The following EPC1 variants were observed in gnomAD, a reference collection of about 807,000 sequenced individuals.
EPC1 encodes the protein enhancer of polycomb 1.
EPC1 carries 12 observed loss-of-function variants against 98.4 expected under a neutral mutation model. The ratio of observed to expected loss-of-function variants is 0.12; its 90% confidence interval spans 0.08 to 0.20. The LOEUF is 0.20. EPC1 is among the 10% of genes least tolerant of loss of function. The pLI, the probability that EPC1 is intolerant of heterozygous loss-of-function variation, is 1.00. For synonymous variants in EPC1, 357 were observed against 363.9 expected (o/e 0.98, Z 0.21); for missense variants, 729 against 990.5 (o/e 0.74, Z 3.54).
intron 11 of EPC1, among the ~76,000 whole-genome samples, chr10:32,272,596 A>G (rs556980135): frequency 6.6e-6 from 1 of 152,328 alleles, no homozygotes; most frequent in African/African-American, 2.4e-5. Flanking sequence ...ACACAATGAA[A>G]GGCACCTTTG....
At chr10:32,315,533 A>G (rs976518335) in intron 1 of EPC1, among the ~76,000 whole-genome samples, 3 of 152,226 alleles carry the variant, frequency 2.0e-5, no homozygotes, top group East Asian at 3.8e-4. Flanking sequence ...ACAAAATTCC[A>G]TATGTGTAAA....
chr10:32,323,999 G>C (rs1444425511), intron 1 of EPC1, among the ~76,000 whole-genome samples: 2 of 152,008 alleles, frequency 1.3e-5, no homozygotes, highest in Admixed American at 6.5e-5. Flanking sequence ...GCAGTGGCGC[G>C]ATCTCGGCTC....
At position 32,338,407 on chromosome 10, in the gene EPC1, T is replaced by C. The variant is rs116502478; in HGVS notation, c.153+8356A>G. On this transcript the variant is annotated intron_variant, in intron 1 of 13. Transcript: ENST00000319778. Reference sequence around the variant, plus strand: ...TGCCCAGTATGACTCATTCTCCACATGGTAGCCAGAATAATCTTGAAAAAC... The same window carrying C: ...TGCCCAGTATGACTCATTCTCCACACGGTAGCCAGAATAATCTTGAAAAAC... 5.5e-3 allele frequency among the ~76,000 whole-genome samples: 840 copies of C among 152,342 alleles called. 13 individuals are homozygous for C. Among genetic ancestry groups the C allele is most frequent in the African/African-American group, 0.019 (808 of 41,580 alleles).
chr10:32,300,853 A>G (rs1273722745), intron 2 of EPC1, among the ~76,000 whole-genome samples: 1 of 152,072 alleles, frequency 6.6e-6, no homozygotes, highest in African/African-American at 2.4e-5. Flanking sequence ...TTTTTTTGGA[A>G]GCTTAATATC....
At chr10:32,343,772 T>G (rs888330249) in intron 1 of EPC1, among the ~76,000 whole-genome samples, 1 of 151,916 alleles carries the variant, frequency 6.6e-6, no homozygotes, top group Non-Finnish European at 1.5e-5. Context: ...GTGCAGCTCA[T>G]AGTATTAAAA....
intron 9 of EPC1, 21 bp downstream of exon 9, chr10:32,286,673 A>G (rs775682134): frequency 1.2e-6 from 2 of 1,612,618 alleles, no homozygotes; most frequent in Non-Finnish European, 1.7e-6. Context: ...TCCTTCTGCT[A>G]GGAATACAGA....
chr10:32,319,289 A>C (rs1182241011), intron 1 of EPC1, among the ~76,000 whole-genome samples: 1 of 152,236 alleles, frequency 6.6e-6, no homozygotes, highest in East Asian at 1.9e-4. Context: ...AATTCTTGAT[A>C]GAGATTCCAT....
intron 1 of EPC1, among the ~76,000 whole-genome samples, chr10:32,342,534 G>A (rs1838430098): frequency 1.3e-5 from 2 of 152,210 alleles, no homozygotes; most frequent in South Asian, 2.1e-4. Context: ...AAAGGTGGGA[G>A]TATAAAGACC....
chr10:32,377,809 A>G (rs1334008193), intron 1 of EPC1, among the ~76,000 whole-genome samples: 1 of 152,202 alleles, frequency 6.6e-6, no homozygotes, highest in Non-Finnish European at 1.5e-5. Flanking sequence ...GTGTGCAAAA[A>G]GAAAAAAAAT....
In EPC1 at chr10:32,370,703, TA is replaced by T. The variant is rs1403601963; in HGVS notation, c.3+7787del. Among the ~76,000 whole-genome samples, 6 of 152,314 alleles carry T rather than the reference TA, an allele frequency of 3.9e-5. No individual in the cohort carries two copies. In the South Asian group the frequency reaches 6.2e-4, roughly 16 times the overall value. On this transcript the variant is annotated intron_variant, in intron 1 of 13. Transcript: ENST00000375110. ...CATAAATCTGTGCTGTCCGATATGG[TA>T]GCTACTAGCTGGGTGTAGCTATGGA... is the stretch of plus-strand genomic sequence containing the variant.
chr10:32,356,330 T>A (rs1227893897), intron 1 of EPC1, among the ~76,000 whole-genome samples: 1 of 152,112 alleles, frequency 6.6e-6, no homozygotes, highest in Non-Finnish European at 1.5e-5. Context: ...GCACTGTGAA[T>A]CTAGTTCCCC....
rs192290488 is a variant in EPC1, at chr10:32,376,760, C to T, written c.3+1731G>A. The stretch of plus-strand genomic sequence containing the variant: ...TTACGTATTTCAAAGTGGGTAAACA[C>T]GCTAAATAATAATTCTTGAAATGTT... On this transcript the variant is annotated intron_variant, in intron 1 of 13. Coordinates refer to the EPC1 transcript ENST00000375110. 3.9e-5 allele frequency among the ~76,000 whole-genome samples: 6 copies of T among 152,132 alleles called. No homozygotes were observed. In the East Asian group the frequency reaches 5.8e-4, roughly 15 times the overall value.
At chr10:32,301,215 A>G (rs1160832169) in intron 2 of EPC1, among the ~76,000 whole-genome samples, 1 of 152,186 alleles carries the variant, frequency 6.6e-6, no homozygotes, top group Admixed American at 6.6e-5. Flanking sequence ...GCCAGGTATA[A>G]ATCTAATAAA....
rs778070142 is a variant in EPC1 at position 32,284,832 on chromosome 10, T to C, written c.1610A>G (p.His537Arg). Residue 537 changes from histidine (H) to arginine (R), a missense_variant, in exon 10 of 14, where the codon CAT (histidine) becomes CGT (arginine). By Grantham distance (29) the His-to-Arg change is conservative. This residue lies in a region of EPC1 where 390 missense variants were observed against 438.6 expected (regional missense o/e 0.89). Coordinates refer to ENST00000319778, the MANE Select transcript of EPC1 (RefSeq NM_001272004.3). ...GGAGAGTTCATCATTGTCACTGTCA[T>C]GTAGGGATGGTGTCCGAGGCCTAAA... ...RHFRPRTPSL[H>R]DSDNDELSCR... is the part of the protein sequence containing the mutation. 6.2e-6 allele frequency: 10 copies of C among 1,614,242 alleles called. No individual in the cohort carries two copies. The Admixed American group carries it at 1.0e-4, about 16-fold the overall frequency.
chr10:32,367,922 T>G (rs892962459), intron 1 of EPC1, among the ~76,000 whole-genome samples: 1 of 152,242 alleles, frequency 6.6e-6, no homozygotes, highest in Non-Finnish European at 1.5e-5. Context: ...GCCTTATAAA[T>G]GTAAACTCAT....
intron 1 of EPC1, among the ~76,000 whole-genome samples, chr10:32,326,692 G>A (rs948891331): frequency 2.6e-5 from 4 of 152,134 alleles, no homozygotes; most frequent in African/African-American, 9.7e-5. Flanking sequence ...TTTGGTAAAA[G>A]TCAGTTATAA....
intron 1 of EPC1, among the ~76,000 whole-genome samples, chr10:32,328,912 A>G (rs1837469106): frequency 1.3e-5 from 2 of 152,240 alleles, no homozygotes; most frequent in Non-Finnish European, 2.9e-5. Context: ...AAGGAAACAC[A>G]TACAGGTCTG....
chr10:32,341,393 G>C (rs1207129844), intron 1 of EPC1, among the ~76,000 whole-genome samples: 1 of 152,008 alleles, frequency 6.6e-6, no homozygotes, highest in Non-Finnish European at 1.5e-5. Flanking sequence ...TGACACAGTA[G>C]AATGCAAAAT....
At chr10:32,306,474 T>A (rs1320994660) in intron 1 of EPC1, among the ~76,000 whole-genome samples, 1 of 152,170 alleles carries the variant, frequency 6.6e-6, no homozygotes, top group African/African-American at 2.4e-5. Context: ...TTCATACACA[T>A]TTCCAGAGCC....
Sources: gnomAD v4.1 joint callset for allele counts (sites outside exome capture counted in the v4.1 genomes callset) on GRCh38, gnomAD v4.1.1 for gene constraint, gnomAD v4.1.1 regional missense constraint, MANE v1.5 for transcripts, NCBI Gene and HGNC (gene_info 2026-07-23, HGNC 2026-07-21) for gene names.